Variants in CAPS2 observed in about 807,000 individuals in gnomAD.
The protein encoded by CAPS2 is calcyphosin-2.
CAPS2 carries 98 observed loss-of-function variants against 86.5 expected under a neutral mutation model. That is an observed-to-expected ratio of 1.13 (90% CI 0.96 to 1.34). CAPS2 has a LOEUF of 1.34. Ranked by LOEUF, CAPS2 falls within the 40% of genes most tolerant of loss-of-function variation. CAPS2 has a pLI of 0.00. For synonymous variants in CAPS2, 210 were observed against 225.1 expected, an observed-to-expected ratio of 0.93 and a Z score of 0.60; for missense variants, 729 against 686.8, an observed-to-expected ratio of 1.06 and a Z score of -0.69.
intron 1 of CAPS2, among the ~76,000 whole-genome samples, chr12:75,377,455 C>T (rs1006743863): frequency 1.3e-5 from 2 of 152,128 alleles, no homozygotes; most frequent in Non-Finnish European, 2.9e-5. Context: ...CCCAAAACCC[C>T]AAAAGTCAGG....
chr12:75,333,708 T>G (rs1173041278), upstream of CAPS2: 2 of 152,206 alleles, frequency 1.3e-5, no homozygotes, highest in Non-Finnish European at 2.9e-5. Flanking sequence ...TGGTTTTTGT[T>G]TTTTGTGTCA....
chr12:75,330,610 T>C (rs1310412022), upstream of CAPS2, among the ~76,000 whole-genome samples: 1 of 152,116 alleles, frequency 6.6e-6, no homozygotes, highest in Non-Finnish European at 1.5e-5. Context: ...TAGAGATACA[T>C]AGATATTAGA....
chr12:75,386,556 G>A (rs145371653), intron 1 of CAPS2, among the ~76,000 whole-genome samples: 1 of 152,126 alleles, frequency 6.6e-6, no homozygotes, highest in African/African-American at 2.4e-5. Flanking sequence ...CAATTCATGA[G>A]GACAGGGCTC....
chr12:75,278,956 A>G (rs1403879418), exon 17 of CAPS2: 2 of 1,610,196 alleles, frequency 1.2e-6, no homozygotes, highest in South Asian at 1.1e-5. Context: ...CTATACTTAA[A>G]CCTTCATAGT....
At chr12:75,299,867 T>C in exon 9 of CAPS2, 1 of 1,534,276 alleles carries the variant, frequency 6.5e-7, no homozygotes, top group South Asian at 1.2e-5. Flanking sequence ...AAACTGTAAT[T>C]TATGAGAAAG....
At chr12:75,280,694 T>G (rs2033789930) in intron 16 of CAPS2, among the ~76,000 whole-genome samples, 1 of 151,870 alleles carries the variant, frequency 6.6e-6, no homozygotes, top group South Asian at 2.1e-4. Flanking sequence ...AAAATTCTCA[T>G]AGAGTAGCTG....
upstream of CAPS2, chr12:75,329,822 T>C: frequency 6.5e-7 from 1 of 1,543,288 alleles, no homozygotes; most frequent in Middle Eastern, 1.7e-4. Context: ...TATATTATAA[T>C]TCAGAGCACC....
intron 1 of CAPS2, among the ~76,000 whole-genome samples, chr12:75,387,383 A>G (rs1008940818): frequency 6.6e-6 from 1 of 152,198 alleles, no homozygotes; most frequent in Admixed American, 6.5e-5. Flanking sequence ...TAGAATGGCC[A>G]AAATCCAGAA....
chr12:75,350,346 AAATTCCTGC>A (rs1593735139), intron 1 of CAPS2, among the ~76,000 whole-genome samples: 1 of 152,172 alleles, frequency 6.6e-6, no homozygotes, highest in Non-Finnish European at 1.5e-5. Flanking sequence ...TGGACAAGGG[AAATTCCTGC>A]TTATTTAAGT....
chr12:75,339,963 C>T (rs1463275086), intron 1 of CAPS2, among the ~76,000 whole-genome samples: 1 of 152,056 alleles, frequency 6.6e-6, no homozygotes, highest in Non-Finnish European at 1.5e-5. Context: ...CTTATGTCCT[C>T]ATAGCTTAGC....
chr12:75,354,028 C>T (rs540492729), intron 1 of CAPS2, among the ~76,000 whole-genome samples: 1 of 152,002 alleles, frequency 6.6e-6, no homozygotes, highest in Admixed American at 6.6e-5. Context: ...AAACCCATGG[C>T]CAATGTCATA....
chr12:75,367,815 A>G (rs548737602), intron 1 of CAPS2, among the ~76,000 whole-genome samples: 1 of 152,196 alleles, frequency 6.6e-6, no homozygotes, highest in Non-Finnish European at 1.5e-5. Context: ...CAGATAGTTC[A>G]TTCATTTCTC....
intron 1 of CAPS2, among the ~76,000 whole-genome samples, chr12:75,356,491 A>C (rs1401821631): frequency 6.6e-6 from 1 of 152,214 alleles, no homozygotes; most frequent in African/African-American, 2.4e-5. Context: ...CGTGATAAGT[A>C]AAAGATGCAC....
chr12:75,347,805 C>T (rs1289234325), intron 1 of CAPS2: 3 of 732,270 alleles, frequency 4.1e-6, no homozygotes, highest in Middle Eastern at 2.8e-4. Context: ...ATACTAGACA[C>T]AAGTGTATTT....
chr12:75,355,698 T>A (rs2043111762), intron 1 of CAPS2, among the ~76,000 whole-genome samples: 2 of 152,254 alleles, frequency 1.3e-5, no homozygotes, highest in South Asian at 4.1e-4. Context: ...CGCAGCACTA[T>A]TTATAATAGC....
rs1048582943 is a variant in CAPS2, at chr12:75,325,147, T to C, written c.131+92A>G. 10 of 1,214,652 alleles carry C rather than the reference T, an allele frequency of 8.2e-6. No homozygotes were observed. In the Admixed American group the frequency reaches 2.0e-4, roughly 24 times the overall value. The allele number at this position is 1,214,652 out of a possible 1,614,324, so 75.2% of individuals were successfully genotyped here. On this transcript the variant is annotated intron_variant, in intron 2 of 16. Transcript: ENST00000393284. ...TTTTTCTGTGGTTCACAATCATAGC[T>C]ACATTTATAATTTTGCTTTGTTTTT...
At chr12:75,330,755 T>C (rs1409550339), upstream of CAPS2, among the ~76,000 whole-genome samples, 4 of 151,910 alleles carry the variant, frequency 2.6e-5, no homozygotes, top group Admixed American at 6.6e-5. Flanking sequence ...GGCAAAGGCC[T>C]AGAAATCAAG....
chr12:75,363,558 A>G (rs58040831), intron 1 of CAPS2, among the ~76,000 whole-genome samples: 8,687 of 152,278 alleles, frequency 0.057, 315 homozygotes, highest in African/African-American at 0.1. Context: ...GTCAATGTCC[A>G]AAGTAATTAT....
At chr12:75,299,801 T>C (rs2037505289) in intron 9 of CAPS2, 36 bp downstream of exon 9, 1 of 1,011,772 alleles carries the variant, frequency 9.9e-7, no homozygotes, top group East Asian at 2.5e-5. Flanking sequence ...GTTTTTATAA[T>C]CATAGGATTA....
Sources: gnomAD v4.1 joint callset for allele counts (sites outside exome capture counted in the v4.1 genomes callset) on GRCh38, gnomAD v4.1.1 for gene constraint, MANE v1.5 for transcripts, NCBI Gene and HGNC (gene_info 2026-07-23, HGNC 2026-07-21) for gene names.